Variants in ATAD5 observed in about 807,000 individuals in gnomAD.
ATAD5 encodes ATPase family AAA domain containing 5.
A neutral mutation model predicts 176.9 loss-of-function variants in ATAD5; 58 were observed. That is an observed-to-expected ratio of 0.33 (90% confidence interval 0.27 to 0.41). The LOEUF (loss-of-function observed/expected upper bound fraction) is 0.41, where lower values mean the gene tolerates loss of function less well. Ranked by LOEUF, ATAD5 falls within the 10% of genes least tolerant of loss-of-function variation. The pLI is 1.00. For synonymous variants in ATAD5, 640 were observed against 712.6 expected (o/e 0.90, Z 1.62); for missense variants, 1,789 against 2,094.1 (o/e 0.85, Z 2.84).
chr17:30,847,038 A>G (rs1481652306), intron 6 of ATAD5, among the ~76,000 whole-genome samples: 2 of 151,908 alleles, frequency 1.3e-5, no homozygotes, highest in South Asian at 2.1e-4. Flanking sequence ...AGTTTTGACA[A>G]ATGTACATAC....
chr17:30,895,000 T>C lies in ATAD5; in HGVS notation c.*87T>C. 2 of 825,696 alleles carry C rather than the reference T, an allele frequency of 2.4e-6. No homozygotes were observed. Among genetic ancestry groups the C allele is most frequent in the Non-Finnish European group, 1.8e-6 (1 of 564,522 alleles). 51.1% of individuals were successfully genotyped at this position (825,696 alleles called of 1,614,324 possible). On this transcript the variant is annotated 3_prime_UTR_variant, in exon 23 of 23. Coordinates refer to ENST00000321990, the MANE Select transcript of ATAD5 (RefSeq NM_024857.5). ...TTATGTGGATCTTCATGGAAAAGTA[T>C]ATTTCTCGATGTACATTTTAAACAA...
intron 6 of ATAD5, among the ~76,000 whole-genome samples, chr17:30,847,618 C>G (rs1412628419): frequency 6.6e-6 from 1 of 151,864 alleles, no homozygotes; most frequent in Non-Finnish European, 1.5e-5. Context: ...GCATGAGCCA[C>G]TGTGCCTGGC....
At position 30,840,752 on chromosome 17, in the gene ATAD5, C is replaced by T; in HGVS notation, c.2212C>T (p.Pro738Ser). 2 of 1,603,208 alleles carry T rather than the reference C, an allele frequency of 1.2e-6. No individual in the cohort carries two copies. The highest frequency in any genetic ancestry group is 1.7e-6 in the Non-Finnish European group (2 of 1,176,900). ...GCGCTCCTCTAGACATCAGACACTT[C>T]CTGAAAGGAAGAAATTGTCAGAAAC... ...LRRSSRHQTL[P>S]ERKKLSETED... The change falls in exon 4 of 23, where the codon CCT becomes TCT. Residue 738 changes from proline to serine, a missense_variant. Pro to Ser is a moderately conservative substitution (Grantham distance 74). This residue lies in a region of ATAD5 where 487 missense variants were observed against 573.6 expected (regional missense o/e 0.85). Coordinates refer to ENST00000321990, the MANE Select transcript of ATAD5 (RefSeq NM_024857.5).
At chr17:30,840,195 TAAAAAAAAAAAAAAA>T in intron 3 of ATAD5, among the ~76,000 whole-genome samples, 1 of 106,076 alleles carries the variant, frequency 9.4e-6, no homozygotes. Flanking sequence ...TAGACTCTGT[TAAAAAAAAAAAAAAA>T]AAAAAAAAAC....
chr17:30,857,530 A>G (rs1040412186), intron 8 of ATAD5, among the ~76,000 whole-genome samples: 1 of 152,128 alleles, frequency 6.6e-6, no homozygotes, highest in African/African-American at 2.4e-5. Context: ...ATTTAAAAAT[A>G]AATCCTAATT....
At chr17:30,876,306 GCTAA>G (rs763966767) in intron 14 of ATAD5, 64 bp from the exon 15 acceptor site, 202 of 1,360,198 alleles carry the variant, frequency 1.5e-4, no homozygotes, top group Admixed American at 8.5e-4. Context: ...ACAGAATGTG[GCTAA>G]CTGTCTTGCT....
At chr17:30,883,856 T>A (rs1909165499) in intron 18 of ATAD5, among the ~76,000 whole-genome samples, 1 of 152,138 alleles carries the variant, frequency 6.6e-6, no homozygotes, top group South Asian at 2.1e-4. Flanking sequence ...GCCCTAAAAT[T>A]AATTTTACTT....
chr17:30,875,827 G>A (rs1182774452), intron 14 of ATAD5, among the ~76,000 whole-genome samples: 1 of 150,124 alleles, frequency 6.7e-6, no homozygotes, highest in Non-Finnish European at 1.5e-5. Context: ...TTTCTTTGGA[G>A]TAGAGTGTCT....
Position 30,881,107 on chromosome 17 carries a change from T to TA in ATAD5, c.4077+1631dup, listed in dbSNP as rs34653985. ...TCCTTTTTCTTTTTTTTCATTCTTC[T>TA]AAAAAAAAAAAGTTTTTAAAATTAA... On this transcript the variant is annotated intron_variant, in intron 18 of 22. Coordinates refer to ENST00000321990, the MANE Select transcript of ATAD5 (RefSeq NM_024857.5). Among the ~76,000 whole-genome samples, 90 of 144,694 alleles carry TA rather than the reference T, an allele frequency of 6.2e-4. 1 individual carries two copies. The highest frequency in any genetic ancestry group is 7.9e-4 in the East Asian group (4 of 5,036). 94.9% of individuals were successfully genotyped at this position (144,694 alleles called of 152,430 possible). A position where few individuals can be genotyped will look rare whatever the true frequency, so the allele number is the denominator to read the frequency against.
At chr17:30,854,819 C>G (rs943629764) in intron 6 of ATAD5, among the ~76,000 whole-genome samples, 2 of 152,024 alleles carry the variant, frequency 1.3e-5, no homozygotes, top group Non-Finnish European at 2.9e-5. Flanking sequence ...AGTACAGTGG[C>G]GCGATCCTGA....
At chr17:30,863,370 AT>A (rs575025587) in intron 10 of ATAD5, among the ~76,000 whole-genome samples, 4,081 of 142,620 alleles carry the variant, frequency 0.029, 187 homozygotes, top group African/African-American at 0.095. Context: ...TACTTTATGT[AT>A]TTTTTTTTTT....
At chr17:30,856,826 G>C in intron 7 of ATAD5, 129 bp from the exon 8 acceptor site, 1 of 805,994 alleles carries the variant, frequency 1.2e-6, no homozygotes, top group Non-Finnish European at 1.8e-6. Flanking sequence ...TCCCTTTATA[G>C]TCATGTGGTT....
intron 14 of ATAD5, among the ~76,000 whole-genome samples, chr17:30,871,600 A>T (rs953501504): frequency 2.6e-5 from 4 of 151,664 alleles, no homozygotes; most frequent in Admixed American, 6.6e-5. Flanking sequence ...TCCACCCCCC[A>T]TGGCCTCCCA....
Position 30,878,488 on chromosome 17 carries a change from C to A in ATAD5, c.4012+392C>A, listed in dbSNP as rs139143498. On this transcript the variant is annotated intron_variant, in intron 17 of 22. Transcript: ENST00000321990. ...GAATTATTGTATATTTAGCTATCAT[C>A]AGCCTAATAGAATTGATCCATCTTC... is the stretch of plus-strand genomic sequence containing the variant. Among the ~76,000 whole-genome samples, 1,029 of 152,150 alleles carry A rather than the reference C, an allele frequency of 6.8e-3. 9 individuals are homozygous for A. Among genetic ancestry groups the A allele is most frequent in the African/African-American group, 0.022 (933 of 41,518 alleles).
At chr17:30,857,496 G>A (rs191242879) in intron 8 of ATAD5, among the ~76,000 whole-genome samples, 211 of 152,240 alleles carry the variant, frequency 1.4e-3, no homozygotes, top group Non-Finnish European at 2.4e-3. Flanking sequence ...GGTTACAGGC[G>A]TAAGCCACTG....
rs965136930 is a variant in ATAD5 at position 30,844,569 on chromosome 17, CAG to C, written c.2369-263_2369-262del. Among the ~76,000 whole-genome samples the C allele has an allele frequency of 6.1e-5, 8 of 132,172 alleles. No homozygotes were observed. In the East Asian group the frequency reaches 6.3e-4, roughly 10 times the overall value. The allele number at this position is 132,172 out of a possible 152,430, so 86.7% of individuals were successfully genotyped here. ...AGTTTTTCTTTTTTTTTTTTTGTGACAGAGTCTTGCTCTACTAAAATACAAAA... is the reference window on the plus strand; with the variant it reads ...AGTTTTTCTTTTTTTTTTTTTGTGACAGTCTTGCTCTACTAAAATACAAAA... On this transcript the variant is annotated intron_variant, in intron 5 of 22. Coordinates refer to ENST00000321990, the MANE Select transcript of ATAD5 (RefSeq NM_024857.5).
At chr17:30,873,867 T>C (rs1003212441) in intron 14 of ATAD5, among the ~76,000 whole-genome samples, 1 of 151,956 alleles carries the variant, frequency 6.6e-6, no homozygotes, top group African/African-American at 2.4e-5. Flanking sequence ...AAGCATGTAT[T>C]TTTAAAACCA....
At chr17:30,841,324 G>T (rs1906099401) in intron 4 of ATAD5, among the ~76,000 whole-genome samples, 1 of 152,106 alleles carries the variant, frequency 6.6e-6, no homozygotes, top group Non-Finnish European at 1.5e-5. Flanking sequence ...TAGTCACACA[G>T]AATTGTTCAT....
At chr17:30,853,744 T>C (rs1397794007) in intron 6 of ATAD5, among the ~76,000 whole-genome samples, 1 of 152,118 alleles carries the variant, frequency 6.6e-6, no homozygotes, top group East Asian at 1.9e-4. Flanking sequence ...CCCACCCTTT[T>C]GCCTCTGTCC....
Sources: gnomAD v4.1 joint callset for allele counts (sites outside exome capture counted in the v4.1 genomes callset) on GRCh38, gnomAD v4.1.1 for gene constraint, gnomAD v4.1.1 regional missense constraint, MANE v1.5 for transcripts, NCBI Gene and HGNC (gene_info 2026-07-23, HGNC 2026-07-21) for gene names.